Variants in SPRR2F observed in about 807,000 individuals in gnomAD.
SPRR2F encodes the protein small proline rich protein 2F.
SPRR2F carries 2 observed loss-of-function variants against 0.8 expected under a neutral mutation model. That is an observed-to-expected ratio of 2.52 (90% CI 1.03 to 7.95). The LOEUF (loss-of-function observed/expected upper bound fraction) is 7.95. Ranked by LOEUF, SPRR2F falls within the 30% of genes most tolerant of loss-of-function variation. The pLI, the probability that SPRR2F is intolerant of heterozygous loss-of-function variation, is 0.04. For synonymous variants in SPRR2F, 39 were observed against 33.4 expected (o/e 1.17, Z -0.58); for missense variants, 80 against 85.8 (o/e 0.93, Z 0.27).
chr1:153,114,055 C>A (rs1655667546), upstream of SPRR2F, among the ~76,000 whole-genome samples: 1 of 133,904 alleles, frequency 7.5e-6, no homozygotes, highest in Admixed American at 8.0e-5. Flanking sequence ...GGCAGGTCAC[C>A]TCTCCTCCCT....
upstream of SPRR2F, among the ~76,000 whole-genome samples, chr1:153,116,618 C>T (rs570664603): frequency 6.6e-6 from 1 of 152,034 alleles, no homozygotes; most frequent in Non-Finnish European, 1.5e-5. Flanking sequence ...ATTTAATTAC[C>T]TCCCTATTAT....
chr1:153,112,966 C>A (rs562773566), intron 1 of SPRR2F, among the ~76,000 whole-genome samples: 2 of 152,196 alleles, frequency 1.3e-5, no homozygotes, highest in East Asian at 3.9e-4. Context: ...TATAATTTTT[C>A]CAAAGAAAAT....
intron 1 of SPRR2F, among the ~76,000 whole-genome samples, chr1:153,113,192 G>A (rs1010301809): frequency 6.6e-6 from 1 of 152,032 alleles, no homozygotes. Flanking sequence ...CCTTTGAAAA[G>A]GACACCAGAA....
At chr1:153,115,914 A>G (rs953706879), upstream of SPRR2F, among the ~76,000 whole-genome samples, 1 of 152,244 alleles carries the variant, frequency 6.6e-6, no homozygotes. Flanking sequence ...CATAAAAATG[A>G]CAAGAAAGAA....
intron 1 of SPRR2F, among the ~76,000 whole-genome samples, 155 bp downstream of exon 1, chr1:153,113,319 A>T (rs917989247): frequency 6.6e-6 from 1 of 152,208 alleles, no homozygotes; most frequent in African/African-American, 2.4e-5. Flanking sequence ...AGAAAGCTAA[A>T]ATAGCATATC....
chr1:153,114,102 G>A (rs768105531), upstream of SPRR2F, among the ~76,000 whole-genome samples: 1 of 147,304 alleles, frequency 6.8e-6, no homozygotes, highest in African/African-American at 2.5e-5. Flanking sequence ...CTTACCTCTG[G>A]AGATGGGAGC....
At chr1:153,113,173 C>T (rs995975870) in intron 1 of SPRR2F, among the ~76,000 whole-genome samples, 8 of 151,968 alleles carry the variant, frequency 5.3e-5, no homozygotes, top group Non-Finnish European at 1.0e-4. Context: ...ACACCTGCTA[C>T]GACATAAACC....
rs1370637984 is a variant in SPRR2F at position 153,112,526 on chromosome 1, T to C, written c.208A>G (p.Lys70Glu). 1 of 1,612,410 alleles carries C rather than the reference T, an allele frequency of 6.2e-7. No homozygotes were observed. The highest frequency in any genetic ancestry group is 1.7e-5 in the Admixed American group (1 of 60,008). ...SPPCQPKCPPKSK is the reference protein window; with the variant it reads ...SPPCQPKCPPESK ...GAATCCTGAAGCTGTTACTTGCTCT[T>C]GGGTGGACACTTTGGCTGGCAGGGT... Residue 70 changes from lysine (K) to glutamate (E), a missense_variant, in exon 2 of 2, where the codon AAG (lysine) becomes GAG (glutamate). Physicochemically the swap from Lys to Glu is moderately conservative, Grantham distance 56 (BLOSUM62 1). Coordinates refer to ENST00000468739, the MANE Select transcript of SPRR2F (RefSeq NM_001014450.3).
At chr1:153,115,417 T>C (rs1354628284), upstream of SPRR2F, among the ~76,000 whole-genome samples, 1 of 152,150 alleles carries the variant, frequency 6.6e-6, no homozygotes, top group African/African-American at 2.4e-5. Context: ...ATAATACAGT[T>C]TGAGTCATGC....
At chr1:153,112,896 C>T (rs368865745) in intron 1 of SPRR2F, 144 bp from the exon 2 acceptor site, 1 of 1,348,464 alleles carries the variant, frequency 7.4e-7, no homozygotes, top group Admixed American at 2.6e-5. Context: ...GAGTCCCTGG[C>T]TTCTCACTTC....
rs1479401988 is a variant in SPRR2F, at chr1:153,112,768, T to C, written c.-19-16A>G. 15 of 1,609,996 alleles carry C rather than the reference T, an allele frequency of 9.3e-6. No individual in the cohort carries two copies. Among genetic ancestry groups the C allele is most frequent in the Admixed American group, 1.7e-5 (1 of 59,988 alleles). ...GTCTCAGAATCTGAAAGAAATTATA[T>C]GACAGTGTTCACGGGAAGGGAATCC... On this transcript the variant is annotated splice_polypyrimidine_tract_variant and intron_variant, in intron 1 of 1. Transcript: ENST00000468739.
upstream of SPRR2F, among the ~76,000 whole-genome samples, chr1:153,117,942 A>G (rs954924641): frequency 6.6e-6 from 1 of 152,076 alleles, no homozygotes. Context: ...ATTGTACCAT[A>G]AGTTAAAGAG....
chr1:153,113,996 T>C (rs1233421040), upstream of SPRR2F, among the ~76,000 whole-genome samples: 1 of 83,374 alleles, frequency 1.2e-5, no homozygotes, highest in Non-Finnish European at 2.5e-5. Context: ...TCCCAGATTT[T>C]TTTTTTTTTT....
upstream of SPRR2F, among the ~76,000 whole-genome samples, chr1:153,113,952 G>A (rs891302808): frequency 3.0e-4 from 45 of 147,862 alleles, no homozygotes; most frequent in Non-Finnish European, 5.0e-4. Context: ...TGCGCTAAAA[G>A]GAAGGAGAGA....
At position 153,112,367 on chromosome 1, in the gene SPRR2F, A is replaced by G. The variant is rs1268928231; in HGVS notation, c.*148T>C. 2 of 1,404,446 alleles carry G rather than the reference A, an allele frequency of 1.4e-6. No homozygotes were observed. The highest frequency in any genetic ancestry group is 1.9e-6 in the Non-Finnish European group (2 of 1,038,470). The allele number at this position is 1,404,446 out of a possible 1,614,324, so 87.0% of individuals were successfully genotyped here. On this transcript the variant is annotated 3_prime_UTR_variant, in exon 2 of 2. Coordinates refer to ENST00000468739, the MANE Select transcript of SPRR2F (RefSeq NM_001014450.3). ...CAAAAAGAAAACCTTTTGCTATCAGAGATCATCACAGGCCGATCACAGGCT... is the reference window on the plus strand; with the variant it reads ...CAAAAAGAAAACCTTTTGCTATCAGGGATCATCACAGGCCGATCACAGGCT...
upstream of SPRR2F, among the ~76,000 whole-genome samples, chr1:153,114,442 T>C (rs1655678003): frequency 6.6e-6 from 1 of 152,188 alleles, no homozygotes; most frequent in Non-Finnish European, 1.5e-5. Flanking sequence ...TATTGAACCA[T>C]GCCTATATGA....
chr1:153,118,261 T>A (rs934353488), upstream of SPRR2F, among the ~76,000 whole-genome samples: 7 of 152,034 alleles, frequency 4.6e-5, no homozygotes, highest in Non-Finnish European at 1.0e-4. Flanking sequence ...CACAAAGACA[T>A]GGTTGAATTT....
the SPRR2F span, among the ~76,000 whole-genome samples, chr1:153,118,711 AT>A: frequency 6.6e-6 from 1 of 152,186 alleles, no homozygotes; most frequent in South Asian, 2.1e-4. Context: ...GTGAGAAATG[AT>A]AAAGAGAGCC....
the SPRR2F span, among the ~76,000 whole-genome samples, chr1:153,118,590 G>A: frequency 6.6e-6 from 1 of 152,036 alleles, no homozygotes; most frequent in Admixed American, 6.6e-5. Flanking sequence ...GGAAAAAATG[G>A]CAACCTAGAA....
Sources: gnomAD v4.1 joint callset for allele counts (sites outside exome capture counted in the v4.1 genomes callset) on GRCh38, gnomAD v4.1.1 for gene constraint, MANE v1.5 for transcripts, NCBI Gene and HGNC (gene_info 2026-07-23, HGNC 2026-07-21) for gene names.